Variants in DCTN6 observed in about 807,000 individuals in gnomAD.
DCTN6 encodes dynactin 6.
DCTN6 carries 15 observed loss-of-function variants against 25.8 expected under a neutral mutation model. The ratio of observed to expected loss-of-function variants is 0.58; its 90% CI spans 0.39 to 0.89. The LOEUF (loss-of-function observed/expected upper bound fraction) is 0.89, where lower values mean the gene tolerates loss of function less well. Ranked by LOEUF, DCTN6 falls within the 40% of genes least tolerant of loss-of-function variation. The pLI is 0.00. For synonymous variants in DCTN6, 64 were observed against 78.3 expected, an observed-to-expected ratio of 0.82 and a Z score of 0.96; for missense variants, 198 against 237.6, an observed-to-expected ratio of 0.83 and a Z score of 1.09.
chr8:30,179,476 C>A, intron 5 of DCTN6, 21 bp downstream of exon 5: 1 of 1,603,712 alleles, frequency 6.2e-7, no homozygotes, highest in South Asian at 1.1e-5. Context: ...TTCAGAGTTT[C>A]ATTGTCAAAG....
intron 1 of DCTN6, among the ~76,000 whole-genome samples, chr8:30,159,261 TG>T (rs1487732099): frequency 3.9e-5 from 6 of 152,188 alleles, no homozygotes; most frequent in Non-Finnish European, 5.9e-5. Flanking sequence ...ATTTGATACA[TG>T]TTTTTTTGTT....
Position 30,176,295 on chromosome 8 carries a change from C to G in DCTN6, c.195-831C>G, listed in dbSNP as rs193219398. ...CTGTAATCCCAGCACTTTGGGAGGC[C>G]GAGGCGGGCAGATCACGAGGTCAGG... On this transcript the variant is annotated intron_variant, in intron 3 of 6. Coordinates refer to ENST00000221114, the MANE Select transcript of DCTN6 (RefSeq NM_006571.4). Among the ~76,000 whole-genome samples the G allele has an allele frequency of 7.5e-3, 1,147 of 152,000 alleles. 24 individuals are homozygous for G. The highest frequency in any genetic ancestry group is 0.036 in the Admixed American group (547 of 15,258).
intron 5 of DCTN6, 40 bp from the exon 6 acceptor site, chr8:30,180,448 G>T (rs1456938698): frequency 6.3e-7 from 1 of 1,589,044 alleles, no homozygotes; most frequent in Non-Finnish European, 8.6e-7. Context: ...GGAATCATTT[G>T]ATGTCTTAAG....
chr8:30,178,355 CG>C (rs1325832926), intron 4 of DCTN6, among the ~76,000 whole-genome samples: 2 of 151,160 alleles, frequency 1.3e-5, no homozygotes, highest in Non-Finnish European at 2.9e-5. Flanking sequence ...CCCAGCTACT[CG>C]GGAGGCTGAG....
intron 2 of DCTN6, among the ~76,000 whole-genome samples, chr8:30,170,671 T>C (rs1250562556): frequency 2.0e-5 from 3 of 151,902 alleles, no homozygotes; most frequent in Non-Finnish European, 4.4e-5. Flanking sequence ...AGACAGAGTC[T>C]CACTTTGTCA....
intron 2 of DCTN6, among the ~76,000 whole-genome samples, chr8:30,165,376 C>T (rs989954033): frequency 6.0e-5 from 9 of 150,644 alleles, no homozygotes; most frequent in Non-Finnish European, 1.2e-4. Flanking sequence ...CTAAAGTGTT[C>T]AGTGAACTAT....
Position 30,175,100 on chromosome 8 carries a change from T to G in DCTN6, c.104T>G (p.Ile35Ser). Reference sequence around the variant, plus strand: ...TTTTTAACAGGACCTCGGACAGTGATCCACCCTAAAGCAAGAATTATTGCG... The same window carrying G: ...TTTTTAACAGGACCTCGGACAGTGAGCCACCCTAAAGCAAGAATTATTGCG... The part of the protein sequence containing the change: ...GDVTIGPRTV[I>S]HPKARIIAEA... Residue 35 changes from isoleucine to serine, a missense_variant, in exon 3 of 7, where the codon ATC becomes AGC. Ile to Ser is a moderately radical substitution (Grantham distance 142, BLOSUM62 -2). Transcript: ENST00000221114. The G allele has an allele frequency of 6.2e-7, 1 of 1,614,136 alleles. No individual in the cohort carries two copies. The highest frequency in any genetic ancestry group is 8.5e-7 in the Non-Finnish European group (1 of 1,180,020).
chr8:30,164,771 G>A lies in DCTN6; in HGVS notation c.88+596G>A, dbSNP rs111340308. Reference sequence around the variant, plus strand: ...GGTTGATTGTCCAGCATGGAGCTCCGGCCCTGCAGGCCAGGAAGTGATGGC... The same window carrying A: ...GGTTGATTGTCCAGCATGGAGCTCCAGCCCTGCAGGCCAGGAAGTGATGGC... On this transcript the variant is annotated intron_variant, in intron 2 of 6. Coordinates refer to ENST00000221114, the MANE Select transcript of DCTN6 (RefSeq NM_006571.4). Among the ~76,000 whole-genome samples the A allele has an allele frequency of 4.0e-3, 604 of 152,204 alleles. 4 individuals carry two copies. Among genetic ancestry groups the A allele is most frequent in the African/African-American group, 0.014 (570 of 41,464 alleles).
At chr8:30,170,965 G>A (rs1803754917) in intron 2 of DCTN6, among the ~76,000 whole-genome samples, 2 of 151,846 alleles carry the variant, frequency 1.3e-5, no homozygotes. Context: ...TGTGCTTCTG[G>A]TATCTTCTGT....
chr8:30,157,732 C>T (rs987729913), intron 1 of DCTN6, among the ~76,000 whole-genome samples: 1 of 152,118 alleles, frequency 6.6e-6, no homozygotes, highest in Non-Finnish European at 1.5e-5. Flanking sequence ...GAGACAAGTG[C>T]ATAAGTAAAG....
chr8:30,161,896 C>T (rs1212650044), intron 1 of DCTN6, among the ~76,000 whole-genome samples: 1 of 150,778 alleles, frequency 6.6e-6, no homozygotes, highest in Admixed American at 6.6e-5. Flanking sequence ...TACAGGCGCC[C>T]ACCACCACGC....
intron 2 of DCTN6, among the ~76,000 whole-genome samples, chr8:30,172,822 GCTAA>G (rs1037846066): frequency 5.3e-5 from 8 of 152,154 alleles, no homozygotes; most frequent in South Asian, 2.1e-4. Flanking sequence ...TTTAAGAATA[GCTAA>G]CTATTTTTTT....
intron 2 of DCTN6, among the ~76,000 whole-genome samples, chr8:30,169,732 T>C (rs1257129257): frequency 3.3e-5 from 5 of 152,232 alleles, no homozygotes; most frequent in Admixed American, 1.3e-4. Flanking sequence ...AAGCATGAAG[T>C]GAACCGTGGC....
chr8:30,164,052 C>A, intron 1 of DCTN6, 59 bp from the exon 2 acceptor site: 1 of 1,401,666 alleles, frequency 7.1e-7, no homozygotes, highest in Non-Finnish European at 1.0e-6. Context: ...GTCACGGTAG[C>A]TCCTCCAACA....
At chr8:30,182,695 T>C (rs2117603233) in intron 6 of DCTN6, among the ~76,000 whole-genome samples, 1 of 151,434 alleles carries the variant, frequency 6.6e-6, no homozygotes, top group African/African-American at 2.4e-5. Flanking sequence ...CCTGGAACTT[T>C]TTTTTTTTTT....
rs574177535 is a variant in DCTN6 at position 30,169,672 on chromosome 8, T to C, written c.89-5413T>C. On this transcript the variant is annotated intron_variant, in intron 2 of 6. Transcript: ENST00000221114. Reference sequence around the variant, plus strand: ...AACCTCAAGACCCTTAAACTTTATGTTGAATTCAGACCTGATCTAGGTGTA... The same window carrying C: ...AACCTCAAGACCCTTAAACTTTATGCTGAATTCAGACCTGATCTAGGTGTA... Among the ~76,000 whole-genome samples, 58 of 152,298 alleles carry C rather than the reference T, an allele frequency of 3.8e-4. No individual in the cohort carries two copies. The South Asian group carries it at 1.0e-2, about 26-fold the overall frequency.
rs746628122 is a variant in DCTN6 at position 30,175,142 on chromosome 8, T to C, written c.146T>C (p.Val49Ala). 6.2e-7 allele frequency: 1 copy of C among 1,614,116 alleles called. No individual in the cohort carries two copies. Among genetic ancestry groups the C allele is most frequent in the Non-Finnish European group, 8.5e-7 (1 of 1,180,002 alleles). The change falls in exon 3 of 7, where the codon GTG (valine) becomes GCG (alanine). Residue 49 changes from valine (V) to alanine (A), a missense_variant. By Grantham distance (64) the Val-to-Ala change is moderately conservative. Coordinates refer to ENST00000221114, the MANE Select transcript of DCTN6 (RefSeq NM_006571.4). ...ARIIAEAGPI[V>A]IGEGNLIEEQ... The stretch of plus-strand genomic sequence containing the variant: ...ATTATTGCGGAAGCCGGGCCAATAG[T>C]GATTGGCGAAGGGAACCTAATAGAA...
chr8:30,180,364 TG>T (rs769295257), intron 5 of DCTN6, 123 bp from the exon 6 acceptor site: 2 of 1,214,332 alleles, frequency 1.6e-6, no homozygotes, highest in Non-Finnish European at 2.3e-6. Flanking sequence ...TCCAAACTGA[TG>T]TATTTTCTTT....
chr8:30,181,455 G>A (rs572929681), intron 6 of DCTN6, among the ~76,000 whole-genome samples: 44 of 152,282 alleles, frequency 2.9e-4, no homozygotes, highest in South Asian at 2.5e-3. Context: ...CAAGAATAAT[G>A]TAGAGTACAT....
Sources: allele counts gnomAD v4.1 joint callset (sites outside exome capture counted in the v4.1 genomes callset), GRCh38; gene constraint gnomAD v4.1.1; transcripts MANE v1.5; gene names NCBI Gene and HGNC (gene_info 2026-07-23, HGNC 2026-07-21).